CDH13: variants seen among roughly 807,000 people sequenced by gnomAD.
CDH13 encodes cadherin-13.
CDH13 carries 24 observed loss-of-function variants against 63.8 expected under a neutral mutation model. The ratio of observed to expected loss-of-function variants is 0.38; its 90% CI spans 0.27 to 0.53. The LOEUF (loss-of-function observed/expected upper bound fraction) is 0.53. CDH13 is among the 20% of genes least tolerant of loss of function. The probability of loss-of-function intolerance (pLI) is 0.85; values close to 1 mark genes in which losing one functional copy is unlikely to be tolerated. For synonymous variants in CDH13, 503 were observed against 355.3 expected (o/e 1.42, Z -4.67); for missense variants, 1,049 against 903.1 (o/e 1.16, Z -2.07).
rs190519135 is a variant in CDH13, at chr16:82,805,572, A to T, written c.46-52790A>T. Among the ~76,000 whole-genome samples the T allele has an allele frequency of 1.1e-3, 161 of 152,290 alleles. 1 individual carries two copies. Among genetic ancestry groups the T allele is most frequent in the Admixed American group, 3.1e-3 (48 of 15,294 alleles). The stretch of plus-strand genomic sequence containing the variant: ...TGACAGATAGTTGAGGACTGCAATG[A>T]GAGATGCCCAAATATAAGTATGACA... On this transcript the variant is annotated intron_variant, in intron 1 of 13. Coordinates refer to ENST00000567109, the MANE Select transcript of CDH13 (RefSeq NM_001257.5).
intron 7 of CDH13, among the ~76,000 whole-genome samples, chr16:83,555,691 T>G (rs912147438): frequency 2.0e-5 from 3 of 152,194 alleles, no homozygotes; most frequent in Non-Finnish European, 4.4e-5. Flanking sequence ...GCAATCTGTT[T>G]GGGGGATAGT....
intron 1 of CDH13, among the ~76,000 whole-genome samples, chr16:82,684,176 C>T (rs533409729): frequency 4.6e-5 from 7 of 152,238 alleles, no homozygotes; most frequent in Non-Finnish European, 1.0e-4. Flanking sequence ...CAGGTTTTGA[C>T]ACCTGAAGAC....
chr16:83,514,576 TGGAGG>T (rs2074656046), intron 7 of CDH13, among the ~76,000 whole-genome samples: 1 of 152,010 alleles, frequency 6.6e-6, no homozygotes, highest in South Asian at 2.1e-4. Context: ...ACCTGGGAGG[TGGAGG>T]TTGCAGTAAG....
chr16:83,308,272 A>T (rs1397584037), intron 5 of CDH13, among the ~76,000 whole-genome samples: 5 of 152,236 alleles, frequency 3.3e-5, no homozygotes, highest in Non-Finnish European at 7.3e-5. Context: ...GCTCAAAGCC[A>T]GGAATGACCT....
intron 1 of CDH13, among the ~76,000 whole-genome samples, chr16:82,828,202 T>G (rs1189839660): frequency 1.3e-5 from 2 of 152,188 alleles, no homozygotes; most frequent in African/African-American, 2.4e-5. Flanking sequence ...GGGCAAGGGT[T>G]AGAGAAAAGC....
At chr16:83,654,195 T>C (rs1232549026) in intron 8 of CDH13, among the ~76,000 whole-genome samples, 1 of 152,118 alleles carries the variant, frequency 6.6e-6, no homozygotes, top group African/African-American at 2.4e-5. Context: ...GTTCCGGTTC[T>C]TTCTATCAGG....
intron 1 of CDH13, among the ~76,000 whole-genome samples, chr16:82,787,685 G>C (rs1312237616): frequency 6.6e-6 from 1 of 152,146 alleles, no homozygotes; most frequent in Non-Finnish European, 1.5e-5. Context: ...GCTTTCACAG[G>C]GTTTCACAAC....
chr16:83,650,969 C>G (rs1281647487), intron 8 of CDH13, among the ~76,000 whole-genome samples: 1 of 151,568 alleles, frequency 6.6e-6, no homozygotes, highest in Non-Finnish European at 1.5e-5. Context: ...AGTGTGGTGT[C>G]ACATGCCTGC....
intron 4 of CDH13, among the ~76,000 whole-genome samples, chr16:83,198,493 GCTTT>G (rs2038939231): frequency 6.6e-6 from 1 of 152,166 alleles, no homozygotes; most frequent in Non-Finnish European, 1.5e-5. Flanking sequence ...GTCTTGTTGT[GCTTT>G]CTATTTATTA....
intron 1 of CDH13, among the ~76,000 whole-genome samples, chr16:82,691,610 C>G (rs772773359): frequency 6.6e-6 from 1 of 152,074 alleles, no homozygotes; most frequent in African/African-American, 2.4e-5. Flanking sequence ...TCTTATAGAT[C>G]CACTCTGGGG....
intron 4 of CDH13, among the ~76,000 whole-genome samples, chr16:83,148,758 T>C (rs1225008333): frequency 6.6e-6 from 1 of 152,204 alleles, no homozygotes; most frequent in Non-Finnish European, 1.5e-5. Context: ...CTTTTGAAGA[T>C]GCAGAGACAG....
intron 4 of CDH13, among the ~76,000 whole-genome samples, chr16:83,207,235 C>T (rs2151773498): frequency 6.6e-6 from 1 of 152,318 alleles, no homozygotes; most frequent in Non-Finnish European, 1.5e-5. Flanking sequence ...CCATTAAATG[C>T]TAACTCCCCA....
At chr16:83,427,431 A>C (rs530642383) in intron 6 of CDH13, among the ~76,000 whole-genome samples, 1 of 152,256 alleles carries the variant, frequency 6.6e-6, no homozygotes, top group Non-Finnish European at 1.5e-5. Context: ...AGCCTCAAGA[A>C]GCTGGAAAAG....
intron 1 of CDH13, among the ~76,000 whole-genome samples, chr16:82,629,235 G>T (rs1487255063): frequency 3.3e-5 from 5 of 152,220 alleles, no homozygotes; most frequent in Non-Finnish European, 5.9e-5. Context: ...GCACAGGTGG[G>T]TTCTGAAGGC....
At chr16:83,075,119 G>C (rs2032733490) in intron 3 of CDH13, among the ~76,000 whole-genome samples, 1 of 152,156 alleles carries the variant, frequency 6.6e-6, no homozygotes, top group African/African-American at 2.4e-5. Context: ...CTGTCTCTTA[G>C]AGAGTCCCCA....
intron 6 of CDH13, among the ~76,000 whole-genome samples, chr16:83,411,926 A>G (rs932369568): frequency 6.6e-6 from 1 of 152,192 alleles, no homozygotes; most frequent in Admixed American, 6.5e-5. Context: ...TAATTGCATG[A>G]TAAGCGCATA....
chr16:83,248,714 A>C (rs966361373), intron 5 of CDH13, among the ~76,000 whole-genome samples: 1 of 151,980 alleles, frequency 6.6e-6, no homozygotes, highest in African/African-American at 2.4e-5. Context: ...GCCTTCTCCA[A>C]GTTCCTTCCC....
In CDH13 at chr16:83,046,753, A is replaced by G. The variant is rs114757477; in HGVS notation, c.366+14535A>G. On this transcript the variant is annotated intron_variant, in intron 3 of 13. Coordinates refer to ENST00000567109, the MANE Select transcript of CDH13 (RefSeq NM_001257.5). ...AACAGCCCCAGAATGCCTCCTAGAT[A>G]GTGAGGCTGCCTTCAGTTGGCCTGA... Among the ~76,000 whole-genome samples the G allele has an allele frequency of 3.2e-3, 494 of 152,296 alleles. 2 individuals carry two copies. The highest frequency in any genetic ancestry group is 0.011 in the African/African-American group (469 of 41,564).
intron 1 of CDH13, among the ~76,000 whole-genome samples, chr16:82,728,767 T>G (rs1360527465): frequency 6.6e-6 from 1 of 152,210 alleles, no homozygotes; most frequent in Non-Finnish European, 1.5e-5. Context: ...ACAAAAACTT[T>G]CTGTAAAAAT....
Sources: gnomAD v4.1 joint callset for allele counts (sites outside exome capture counted in the v4.1 genomes callset) on GRCh38, gnomAD v4.1.1 for gene constraint, MANE v1.5 for transcripts, NCBI Gene and HGNC (gene_info 2026-07-23, HGNC 2026-07-21) for gene names.